Variants in PRKCB observed in about 807,000 individuals in gnomAD.
PRKCB encodes the protein protein kinase C beta type.
A neutral mutation model predicts 81.5 loss-of-function variants in PRKCB; 13 were observed. The observed-to-expected ratio is 0.16, with a 90% CI of 0.10 to 0.25. The LOEUF (loss-of-function observed/expected upper bound fraction) is 0.25. Among genes scored for constraint, PRKCB ranks in the 10% least tolerant of loss-of-function variants. PRKCB has a pLI of 1.00. For missense variants in PRKCB, 509 were observed against 875.7 expected, an observed-to-expected ratio of 0.58 and a Z score of 5.29; for synonymous variants, 335 against 321.4, an observed-to-expected ratio of 1.04 and a Z score of -0.45.
intron 3 of PRKCB, among the ~76,000 whole-genome samples, chr16:24,004,171 G>A (rs1189494291): frequency 6.6e-6 from 1 of 152,140 alleles, no homozygotes; most frequent in African/African-American, 2.4e-5. Context: ...AGTGATAGCA[G>A]AATGTTACCC....
intron 16 of PRKCB, among the ~76,000 whole-genome samples, chr16:24,201,390 G>A (rs1477813269): frequency 6.6e-6 from 1 of 152,162 alleles, no homozygotes; most frequent in Non-Finnish European, 1.5e-5. Flanking sequence ...TTTCCCCACT[G>A]TGTTGACTTC....
intron 5 of PRKCB, among the ~76,000 whole-genome samples, chr16:24,065,008 A>ATG (rs1458619458): frequency 6.8e-6 from 1 of 147,978 alleles, no homozygotes; most frequent in African/African-American, 2.4e-5. Flanking sequence ...ATATATATAT[A>ATG]AAAAGACTGA....
At chr16:24,093,156 A>AT (rs1235985828) in intron 6 of PRKCB, among the ~76,000 whole-genome samples, 3 of 152,150 alleles carry the variant, frequency 2.0e-5, no homozygotes, top group Admixed American at 1.3e-4. Context: ...AATTAGAGCT[A>AT]TTTTTTTAAT....
chr16:23,849,915 A>G (rs1962444354), intron 2 of PRKCB, among the ~76,000 whole-genome samples: 1 of 152,162 alleles, frequency 6.6e-6, no homozygotes. Context: ...TGTGCAATAG[A>G]TCTCCAAACC....
At chr16:24,017,291 T>C (rs758584136) in intron 3 of PRKCB, among the ~76,000 whole-genome samples, 5 of 152,220 alleles carry the variant, frequency 3.3e-5, no homozygotes, top group Non-Finnish European at 7.3e-5. Context: ...TTTCATACAT[T>C]TGCTGTCTAA....
chr16:23,837,119 G>T, intron 1 of PRKCB: 1 of 562,736 alleles, frequency 1.8e-6, no homozygotes, highest in Non-Finnish European at 3.2e-6. Flanking sequence ...CCCCTACCCC[G>T]ACGGAAACGC....
At chr16:24,049,334 G>A (rs1442416017) in intron 5 of PRKCB, among the ~76,000 whole-genome samples, 3 of 146,970 alleles carry the variant, frequency 2.0e-5, no homozygotes, top group Admixed American at 1.3e-4. Flanking sequence ...CACTACCCTG[G>A]CACATCCGGG....
At chr16:23,855,060 A>C (rs549975628) in intron 2 of PRKCB, among the ~76,000 whole-genome samples, 32 of 152,090 alleles carry the variant, frequency 2.1e-4, no homozygotes, top group African/African-American at 7.7e-4. Context: ...TACCGTTACT[A>C]CCACTTGGCA....
intron 5 of PRKCB, among the ~76,000 whole-genome samples, chr16:24,059,248 T>C (rs777638858): frequency 3.3e-5 from 5 of 152,132 alleles, no homozygotes; most frequent in Non-Finnish European, 7.4e-5. Context: ...CTGAATTCTT[T>C]GAGTGGGTCA....
intron 10 of PRKCB, among the ~76,000 whole-genome samples, chr16:24,155,952 C>T (rs1967149596): frequency 6.6e-6 from 1 of 152,120 alleles, no homozygotes; most frequent in Non-Finnish European, 1.5e-5. Context: ...TTTGGCAAGA[C>T]CATAGATGGT....
At chr16:24,211,406 A>G (rs1259227461) in intron 16 of PRKCB, among the ~76,000 whole-genome samples, 1 of 152,104 alleles carries the variant, frequency 6.6e-6, no homozygotes, top group Non-Finnish European at 1.5e-5. Context: ...GCATTCTCTC[A>G]TTTTATCCTC....
Position 23,852,852 on chromosome 16 carries a change from C to T in PRKCB, c.205+15446C>T, listed in dbSNP as rs141546106. ...GTTATGCAACTCCATTGACTTATGC[C>T]CATTTTTCTGTTAAAAAATTTAAAA... On this transcript the variant is annotated intron_variant, in intron 2 of 16. Transcript: ENST00000643927. 2.6e-3 allele frequency among the ~76,000 whole-genome samples: 399 copies of T among 152,260 alleles called. 1 individual carries two copies. The highest frequency in any genetic ancestry group is 4.5e-3 in the Non-Finnish European group (305 of 68,014).
At position 24,057,760 on chromosome 16, in the gene PRKCB, G is replaced by A. The variant is rs1030929794; in HGVS notation, c.529+22213G>A. Reference sequence around the variant, plus strand: ...GTTCTGGATGGGGCAGAGATCTAACGCTTATTGATGGCTTGCCCCTTGCTA... The same window carrying A: ...GTTCTGGATGGGGCAGAGATCTAACACTTATTGATGGCTTGCCCCTTGCTA... On this transcript the variant is annotated intron_variant, in intron 5 of 16. Transcript: ENST00000643927. 2.6e-5 allele frequency among the ~76,000 whole-genome samples: 4 copies of A among 152,078 alleles called. No individual in the cohort carries two copies. The East Asian group carries it at 7.7e-4, about 29-fold the overall frequency.
At chr16:24,020,557 T>C (rs1051489970) in intron 3 of PRKCB, among the ~76,000 whole-genome samples, 3 of 152,182 alleles carry the variant, frequency 2.0e-5, no homozygotes, top group African/African-American at 7.2e-5. Context: ...GACACTGTGC[T>C]TGAGGTTTTA....
chr16:24,022,164 C>A (rs1418936690), intron 3 of PRKCB, among the ~76,000 whole-genome samples: 1 of 152,046 alleles, frequency 6.6e-6, no homozygotes, highest in African/African-American at 2.4e-5. Context: ...TTTTTGAGAG[C>A]ACTTGAGACT....
chr16:24,044,681 A>G (rs184444737), intron 5 of PRKCB, among the ~76,000 whole-genome samples: 30 of 152,284 alleles, frequency 2.0e-4, no homozygotes, highest in Admixed American at 1.9e-3. Context: ...ATTCATTTAT[A>G]TATTATCTAT....
intron 6 of PRKCB, among the ~76,000 whole-genome samples, chr16:24,093,655 G>C (rs1272431530): frequency 6.6e-6 from 1 of 152,148 alleles, no homozygotes; most frequent in African/African-American, 2.4e-5. Context: ...TTAGCCACCA[G>C]CTAGAAGCAC....
intron 10 of PRKCB, among the ~76,000 whole-genome samples, chr16:24,158,441 T>C (rs1967197896): frequency 6.6e-6 from 1 of 152,114 alleles, no homozygotes; most frequent in African/African-American, 2.4e-5. Flanking sequence ...AGCTAGTACA[T>C]TTCAGGGCCA....
intron 2 of PRKCB, among the ~76,000 whole-genome samples, chr16:23,940,952 G>T (rs1478217883): frequency 1.3e-5 from 2 of 152,198 alleles, no homozygotes; most frequent in East Asian, 1.9e-4. Context: ...TCAACCCAGT[G>T]TTGGATGCCT....
Sources: allele counts gnomAD v4.1 joint callset (sites outside exome capture counted in the v4.1 genomes callset), GRCh38; gene constraint gnomAD v4.1.1; transcripts MANE v1.5; gene names NCBI Gene and HGNC (gene_info 2026-07-23, HGNC 2026-07-21).